The following CELF2 variants were observed in gnomAD, a reference collection of about 807,000 sequenced individuals.
The protein encoded by CELF2 is CUGBP Elav-like family member 2.
CELF2 carries 8 observed loss-of-function variants against 62.6 expected under a neutral mutation model. The observed-to-expected ratio is 0.13, with a 90% CI of 0.07 to 0.23. The LOEUF (loss-of-function observed/expected upper bound fraction) is 0.23. Ranked by LOEUF, CELF2 falls within the 10% of genes least tolerant of loss-of-function variation. The pLI is 1.00. For synonymous variants in CELF2, 258 were observed against 250.0 expected, an observed-to-expected ratio of 1.03 and a Z score of -0.30; for missense variants, 333 against 671.0, an observed-to-expected ratio of 0.50 and a Z score of 5.56.
chr10:10,761,644 G>T, the CELF2 span, among the ~76,000 whole-genome samples: 1 of 152,250 alleles, frequency 6.6e-6, no homozygotes, highest in Non-Finnish European at 1.5e-5. Context: ...CTCCCACATC[G>T]CAAGAGAGAA....
the CELF2 span, among the ~76,000 whole-genome samples, chr10:10,467,899 A>G: frequency 6.6e-6 from 1 of 152,098 alleles, no homozygotes. Flanking sequence ...CAACATAAGC[A>G]CCATCAAGGT....
chr10:11,219,633 G>A (rs911407322), intron 3 of CELF2, among the ~76,000 whole-genome samples: 5 of 152,240 alleles, frequency 3.3e-5, no homozygotes, highest in African/African-American at 1.2e-4. Flanking sequence ...AATGAGGAGA[G>A]AGTTTCACAT....
At chr10:10,810,962 A>G (rs537865587) in intron 1 of CELF2, among the ~76,000 whole-genome samples, 90 of 152,338 alleles carry the variant, frequency 5.9e-4, no homozygotes, top group African/African-American at 2.1e-3. Context: ...GCAACCCAGA[A>G]GGTCCCCTTT....
the CELF2 span, among the ~76,000 whole-genome samples, chr10:10,658,917 A>G: frequency 1.4e-3 from 212 of 152,298 alleles, 3 homozygotes; most frequent in Admixed American, 0.012. Context: ...TACAAGTGCA[A>G]TGAAAGAGCT....
intron 2 of CELF2, among the ~76,000 whole-genome samples, chr10:11,183,823 C>G (rs761869164): frequency 1.3e-5 from 2 of 152,172 alleles, no homozygotes; most frequent in Non-Finnish European, 2.9e-5. Flanking sequence ...GCTCTTTGAT[C>G]AAAGTACTTC....
the CELF2 span, among the ~76,000 whole-genome samples, chr10:10,671,766 A>C: frequency 6.7e-6 from 1 of 149,502 alleles, no homozygotes; most frequent in Non-Finnish European, 1.5e-5. Context: ...GTCTTGCTCT[A>C]TTGCCCAGGC....
the CELF2 span, among the ~76,000 whole-genome samples, chr10:10,630,400 A>G: frequency 6.6e-6 from 1 of 152,158 alleles, no homozygotes; most frequent in Admixed American, 6.5e-5. Context: ...CTGAGCAGAG[A>G]GATAATCCTT....
chr10:11,011,402 T>C lies in CELF2; in HGVS notation c.53+5962T>C, dbSNP rs1018988046. ...AGCTGGGCCCTGAAGGATGGGCAGA[T>C]GGAGGTGGGTGAGGGGGAGAGGGAA... On this transcript the variant is annotated intron_variant, in intron 1 of 12. Transcript: ENST00000416382. This position sits in a 1 kb window ranked among gnomAD's most constrained non-coding sequence, Gnocchi z 4.6. Among the ~76,000 whole-genome samples, 2 of 150,450 alleles carry C rather than the reference T, an allele frequency of 1.3e-5. No homozygotes were observed. Among genetic ancestry groups the C allele is most frequent in the Non-Finnish European group, 3.0e-5 (2 of 67,732 alleles).
chr10:10,664,617 T>G, the CELF2 span, among the ~76,000 whole-genome samples: 7 of 152,204 alleles, frequency 4.6e-5, no homozygotes, highest in Non-Finnish European at 8.8e-5. Context: ...AGGAAGACTG[T>G]GGGATTCTAG....
At chr10:10,836,339 C>T (rs148935763) in intron 1 of CELF2, among the ~76,000 whole-genome samples, 2 of 152,238 alleles carry the variant, frequency 1.3e-5, no homozygotes, top group East Asian at 3.9e-4. Context: ...GGTGGTGTTA[C>T]GGACACTGAT....
rs1417865318 is a variant in CELF2, at chr10:11,335,877, G to A, written c.*6824G>A. 1 of 152,168 alleles carries A rather than the reference G, an allele frequency of 6.6e-6. No homozygotes were observed. The highest frequency in any genetic ancestry group is 1.5e-5 in the Non-Finnish European group (1 of 68,026). The allele number at this position is 152,168 out of a possible 1,614,324, so 9.4% of individuals were successfully genotyped here. Reference sequence around the variant, plus strand: ...GAGAAAGACAAAGCCAGTTTTTGTTGCTTTTCTAAAGCAACAAATAATTCT... The same window carrying A: ...GAGAAAGACAAAGCCAGTTTTTGTTACTTTTCTAAAGCAACAAATAATTCT... On this transcript the variant is annotated 3_prime_UTR_variant, in exon 13 of 13. Coordinates refer to ENST00000633077, the MANE Select transcript of CELF2 (RefSeq NM_001326342.2). This position sits in a 1 kb window ranked among gnomAD's most constrained non-coding sequence, Gnocchi z 5.0.
At chr10:10,967,374 TTAGAC>T (rs1463759565) in intron 2 of CELF2, among the ~76,000 whole-genome samples, 9 of 152,220 alleles carry the variant, frequency 5.9e-5, no homozygotes, top group Non-Finnish European at 1.2e-4. Flanking sequence ...GGAGGCCGCT[TTAGAC>T]TAGGCTTGAC....
intron 1 of CELF2, among the ~76,000 whole-genome samples, chr10:11,139,587 T>A (rs192478654): frequency 1.3e-5 from 2 of 152,230 alleles, no homozygotes. Flanking sequence ...GTGATTTTTA[T>A]GTAAAAATGT....
intron 1 of CELF2, among the ~76,000 whole-genome samples, chr10:11,056,240 GC>G (rs2065213608): frequency 6.6e-6 from 1 of 152,164 alleles, no homozygotes; most frequent in Admixed American, 6.5e-5. Flanking sequence ...TATAGAATAT[GC>G]CCTCTCACAC....
At chr10:10,584,761 C>G in the CELF2 span, among the ~76,000 whole-genome samples, 1 of 152,194 alleles carries the variant, frequency 6.6e-6, no homozygotes, top group Non-Finnish European at 1.5e-5. Context: ...AGTTCCCTGT[C>G]TCTGCTGTCC....
chr10:10,874,494 T>C (rs2060964242), intron 1 of CELF2, among the ~76,000 whole-genome samples: 1 of 151,186 alleles, frequency 6.6e-6, no homozygotes, highest in South Asian at 2.1e-4. Context: ...TACCAGCTGA[T>C]AACTATGAGT....
At chr10:10,836,288 AAAT>A (rs1450344410) in intron 1 of CELF2, among the ~76,000 whole-genome samples, 1 of 152,214 alleles carries the variant, frequency 6.6e-6, no homozygotes, top group Non-Finnish European at 1.5e-5. Flanking sequence ...AAGAACCAGC[AAAT>A]AAGAGTAGCT....
At chr10:10,714,804 A>G in the CELF2 span, among the ~76,000 whole-genome samples, 2 of 152,162 alleles carry the variant, frequency 1.3e-5, no homozygotes, top group Non-Finnish European at 2.9e-5. Context: ...TATGTTAGCT[A>G]AGTTCTAAGA....
intron 1 of CELF2, among the ~76,000 whole-genome samples, chr10:10,916,803 G>C (rs1250338840): frequency 6.6e-6 from 1 of 151,972 alleles, no homozygotes; most frequent in Non-Finnish European, 1.5e-5. Context: ...AGTACAGATG[G>C]GGTTTTACCA....
Sources: allele counts gnomAD v4.1 joint callset (sites outside exome capture counted in the v4.1 genomes callset), GRCh38; gene constraint gnomAD v4.1.1; non-coding constraint Gnocchi (gnomAD v3.1); transcripts MANE v1.5; gene names NCBI Gene and HGNC (gene_info 2026-07-23, HGNC 2026-07-21).